CAMTA1: variants seen among roughly 807,000 people sequenced by gnomAD.
The protein encoded by CAMTA1 is calmodulin binding transcription activator 1, also known as calmodulin-binding transcription activator 1.
In CAMTA1, 27 loss-of-function variants were observed where a neutral mutation model predicts 170.9. That is an observed-to-expected ratio of 0.16 (90% CI 0.12 to 0.22). The LOEUF is 0.22. Among genes scored for constraint, CAMTA1 ranks in the 10% least tolerant of loss-of-function variants. The pLI is 1.00. For missense variants in CAMTA1, 1,619 were observed against 2,217.2 expected (o/e 0.73, Z 5.42); for synonymous variants, 833 against 891.5 (o/e 0.93, Z 1.17).
intron 11 of CAMTA1, among the ~76,000 whole-genome samples, chr1:7,703,143 G>A (rs2096460480): frequency 1.3e-5 from 2 of 152,184 alleles, no homozygotes; most frequent in African/African-American, 4.8e-5. Context: ...TAACAAAGCT[G>A]GAGGTTTGGT....
Position 7,150,721 on chromosome 1 carries a change from A to G in CAMTA1, c.302+59350A>G, listed in dbSNP as rs143669552. On this transcript the variant is annotated intron_variant, in intron 4 of 22. Transcript: ENST00000303635. ...TTTAGGACCAAGTATTGGGATGTGC[A>G]GAAGGACGCGCAGGACGTGGAACCC... Among the ~76,000 whole-genome samples the G allele has an allele frequency of 7.7e-3, 1,175 of 152,100 alleles. 15 individuals are homozygous for G. The highest frequency in any genetic ancestry group is 0.011 in the Non-Finnish European group (769 of 68,018).
chr1:7,214,504 C>G (rs936430155), intron 4 of CAMTA1, among the ~76,000 whole-genome samples: 84 of 152,200 alleles, frequency 5.5e-4, no homozygotes, highest in Middle Eastern at 3.4e-3. Context: ...GTAGTGGGGA[C>G]TATAGGTGCC....
chr1:7,153,726 C>T (rs981344315), intron 4 of CAMTA1, among the ~76,000 whole-genome samples: 3 of 152,162 alleles, frequency 2.0e-5, no homozygotes, highest in African/African-American at 4.8e-5. Flanking sequence ...CCTAGGGCTG[C>T]CTCTGACATG....
intron 5 of CAMTA1, among the ~76,000 whole-genome samples, chr1:7,310,632 CTTTCTTTCTTTCTTT>C (rs756339642): frequency 0.016 from 248 of 15,628 alleles, 7 homozygotes; most frequent in South Asian, 0.021. Flanking sequence ...TTCTTTCTTT[CTTTCTTTCTTTCTTT>C]TTTCTTTCTT....
chr1:7,696,346 C>A (rs1255005150), intron 11 of CAMTA1, among the ~76,000 whole-genome samples: 1 of 152,128 alleles, frequency 6.6e-6, no homozygotes, highest in East Asian at 1.9e-4. Context: ...CAGGCACCAC[C>A]ACCACACCTG....
intron 5 of CAMTA1, among the ~76,000 whole-genome samples, chr1:7,277,639 C>T (rs1367135516): frequency 1.3e-5 from 2 of 152,030 alleles, no homozygotes; most frequent in African/African-American, 2.4e-5. Context: ...GTTTTTTCTT[C>T]TTTATGGTTT....
At chr1:7,454,136 G>A (rs1316499145) in intron 5 of CAMTA1, among the ~76,000 whole-genome samples, 5 of 152,184 alleles carry the variant, frequency 3.3e-5, no homozygotes, top group African/African-American at 1.2e-4. Flanking sequence ...CAGGGCTCTC[G>A]AGTCCTTGGA....
chr1:7,471,278 C>T (rs6664987), intron 6 of CAMTA1, among the ~76,000 whole-genome samples: 26,733 of 152,218 alleles, frequency 0.18, 2,988 homozygotes, highest in African/African-American at 0.31. Flanking sequence ...AGGCTATGAG[C>T]GAGGAGACGG....
intron 6 of CAMTA1, among the ~76,000 whole-genome samples, chr1:7,601,236 C>T (rs1211629706): frequency 1.1e-4 from 16 of 151,368 alleles, no homozygotes; most frequent in African/African-American, 3.2e-4. Context: ...GGGTGGCTGC[C>T]GGGCGGAGGG....
chr1:7,077,095 C>T (rs1639392823), intron 3 of CAMTA1, among the ~76,000 whole-genome samples: 1 of 152,182 alleles, frequency 6.6e-6, no homozygotes, highest in Non-Finnish European at 1.5e-5. Context: ...GTTAGCTACA[C>T]AATTACCTTG....
At chr1:7,568,465 CCAA>C (rs1290439221) in intron 6 of CAMTA1, among the ~76,000 whole-genome samples, 107 of 151,284 alleles carry the variant, frequency 7.1e-4, no homozygotes, top group Non-Finnish European at 1.3e-3. Context: ...ACCATCACCA[CCAA>C]CAACCATCAT....
intron 3 of CAMTA1, among the ~76,000 whole-genome samples, chr1:7,001,311 C>T (rs1698176822): frequency 6.6e-6 from 1 of 152,208 alleles, no homozygotes; most frequent in African/African-American, 2.4e-5. Context: ...ACGTATTTGT[C>T]AAGTGAACAA....
chr1:6,793,872 C>G (rs1641814223), intron 1 of CAMTA1, among the ~76,000 whole-genome samples: 1 of 152,014 alleles, frequency 6.6e-6, no homozygotes, highest in Non-Finnish European at 1.5e-5. Flanking sequence ...TTTTTTAATC[C>G]TTTTCTGAAA....
chr1:7,033,654 G>A lies in CAMTA1; in HGVS notation c.235-57650G>A, dbSNP rs556703903. On this transcript the variant is annotated intron_variant, in intron 3 of 22. Coordinates refer to ENST00000303635, the MANE Select transcript of CAMTA1 (RefSeq NM_015215.4). ...GTTGCCCAGGCTGGAGTGCTGTGGC[G>A]GTGATCTCGGCTCACTGCAACCTCC... 1.0e-3 allele frequency among the ~76,000 whole-genome samples: 152 copies of A among 145,758 alleles called. 1 individual carries two copies. Among genetic ancestry groups the A allele is most frequent in the African/African-American group, 3.6e-3 (139 of 39,088 alleles).
At chr1:7,386,816 C>T (rs1318738913) in intron 5 of CAMTA1, among the ~76,000 whole-genome samples, 1 of 152,186 alleles carries the variant, frequency 6.6e-6, no homozygotes, top group Non-Finnish European at 1.5e-5. Flanking sequence ...CCTTCCTCCC[C>T]TCCTAACACC....
chr1:7,656,808 C>T (rs1285075494), intron 7 of CAMTA1, among the ~76,000 whole-genome samples: 1 of 152,278 alleles, frequency 6.6e-6, no homozygotes, highest in African/African-American at 2.4e-5. Context: ...CTCTCCAAAG[C>T]ATGGGCCACA....
Position 7,049,705 on chromosome 1 carries a change from G to T in CAMTA1, c.235-41599G>T, listed in dbSNP as rs143710575. Among the ~76,000 whole-genome samples the T allele has an allele frequency of 1.0e-3, 156 of 152,324 alleles. 2 individuals are homozygous for T. Among genetic ancestry groups the T allele is most frequent in the Non-Finnish European group, 1.9e-3 (128 of 68,026 alleles). On this transcript the variant is annotated intron_variant, in intron 3 of 22. Coordinates refer to ENST00000303635, the MANE Select transcript of CAMTA1 (RefSeq NM_015215.4). ...CTCTTGACCTCAGGTGGATCCACCC[G>T]CCTTGGCCTCCCAAAGTGCTGGGAT...
intron 6 of CAMTA1, among the ~76,000 whole-genome samples, chr1:7,516,462 C>A (rs2094288177): frequency 6.6e-6 from 1 of 152,288 alleles, no homozygotes; most frequent in East Asian, 1.9e-4. Flanking sequence ...CACACACGCC[C>A]CTCTGCTGGC....
At chr1:7,389,113 T>C (rs565566046) in intron 5 of CAMTA1, among the ~76,000 whole-genome samples, 2 of 152,074 alleles carry the variant, frequency 1.3e-5, no homozygotes, top group Admixed American at 6.5e-5. Flanking sequence ...ACTGTCAGAG[T>C]CACTCTGCAG....
Sources: gnomAD v4.1 joint callset for allele counts (sites outside exome capture counted in the v4.1 genomes callset) on GRCh38, gnomAD v4.1.1 for gene constraint, MANE v1.5 for transcripts, NCBI Gene and HGNC (gene_info 2026-07-23, HGNC 2026-07-21) for gene names.